The following SGCD variants were observed in gnomAD, a reference collection of about 807,000 sequenced individuals.
The protein encoded by SGCD is sarcoglycan delta, also known as delta-sarcoglycan.
In SGCD, 18 loss-of-function variants were observed where a neutral mutation model predicts 36.6. That is an observed-to-expected ratio of 0.49 (90% CI 0.34 to 0.73). SGCD has a LOEUF of 0.73. Ranked by LOEUF, SGCD falls within the 30% of genes least tolerant of loss-of-function variation. The pLI is 0.01. For missense variants in SGCD, 387 were observed against 346.7 expected (o/e 1.12, Z -0.92); for synonymous variants, 133 against 130.6 (o/e 1.02, Z -0.12).
At chr5:156,436,352 A>T (rs1334267123) in intron 3 of SGCD, among the ~76,000 whole-genome samples, 1 of 152,248 alleles carries the variant, frequency 6.6e-6, no homozygotes, top group African/African-American at 2.4e-5. Flanking sequence ...TATTTGTTGA[A>T]TGAATAAATG....
chr5:155,837,977 A>G, the SGCD span, among the ~76,000 whole-genome samples: 1 of 152,166 alleles, frequency 6.6e-6, no homozygotes, highest in African/African-American at 2.4e-5. Flanking sequence ...ATTATGAAGA[A>G]ATGGAAACAT....
At chr5:156,219,805 G>A (rs189104378) in intron 3 of SGCD, among the ~76,000 whole-genome samples, 6 of 152,192 alleles carry the variant, frequency 3.9e-5, no homozygotes, top group Admixed American at 1.3e-4. Context: ...AATCTCATCT[G>A]CTTCTGTGTA....
chr5:156,434,863 A>G (rs1056076533), intron 3 of SGCD, among the ~76,000 whole-genome samples: 1 of 152,208 alleles, frequency 6.6e-6, no homozygotes, highest in African/African-American at 2.4e-5. Context: ...AAAGGTGTAT[A>G]AGAGAGCTGG....
intron 3 of SGCD, among the ~76,000 whole-genome samples, chr5:156,380,300 A>G (rs1197387844): frequency 6.6e-6 from 1 of 152,212 alleles, no homozygotes; most frequent in Non-Finnish European, 1.5e-5. Flanking sequence ...GAAATGCTAT[A>G]CTACTTAACC....
At chr5:156,212,940 T>A (rs1764482151) in intron 3 of SGCD, among the ~76,000 whole-genome samples, 2 of 152,048 alleles carry the variant, frequency 1.3e-5, no homozygotes, top group South Asian at 4.1e-4. Flanking sequence ...TTTAAAAATA[T>A]CTTGACACAA....
At chr5:156,473,454 G>A (rs1271294881) in intron 3 of SGCD, among the ~76,000 whole-genome samples, 1 of 152,214 alleles carries the variant, frequency 6.6e-6, no homozygotes, top group Non-Finnish European at 1.5e-5. Context: ...ATTTCATCAT[G>A]CTTCTCAGAA....
At chr5:156,647,323 G>A in intron 6 of SGCD, 141 bp from the exon 7 acceptor site, 1 of 553,792 alleles carries the variant, frequency 1.8e-6, no homozygotes, top group African/African-American at 1.9e-5. Flanking sequence ...CTATCATGGA[G>A]CTCTAAAGCC....
intron 3 of SGCD, among the ~76,000 whole-genome samples, chr5:156,357,328 G>A (rs1769543121): frequency 6.6e-6 from 1 of 152,174 alleles, no homozygotes; most frequent in Admixed American, 6.5e-5. Context: ...CTAGTGGGTA[G>A]CCAGGTCAAT....
chr5:156,653,493 C>CT lies in SGCD; in HGVS notation c.575+5972dup, dbSNP rs111458843. ...TTTTCTTACGTAATTCTAAAGCTTGCTTTTTTTTTTTTTTTGCCCCTGTTG... is the reference window on the plus strand; with the variant it reads ...TTTTCTTACGTAATTCTAAAGCTTGCTTTTTTTTTTTTTTTTGCCCCTGTTG... On this transcript the variant is annotated intron_variant, in intron 7 of 8. Transcript: ENST00000337851. Among the ~76,000 whole-genome samples the CT allele has an allele frequency of 1.9e-3, 91 of 48,106 alleles. 19 individuals are homozygous for CT. The highest frequency in any genetic ancestry group is 2.7e-3 in the Non-Finnish European group (67 of 24,958). The allele number at this position is 48,106 out of a possible 152,430, so 31.6% of individuals were successfully genotyped here.
At chr5:156,069,264 G>A (rs1486023816) in intron 1 of SGCD, among the ~76,000 whole-genome samples, 2 of 152,080 alleles carry the variant, frequency 1.3e-5, no homozygotes, top group African/African-American at 4.8e-5. Flanking sequence ...TAGGTCTAAA[G>A]TTTAAGTCTT....
At chr5:155,860,034 T>C in the SGCD span, among the ~76,000 whole-genome samples, 5 of 152,334 alleles carry the variant, frequency 3.3e-5, no homozygotes, top group Non-Finnish European at 7.4e-5. Flanking sequence ...GCCCCTCTCC[T>C]GCTGTAAATA....
At chr5:155,843,449 G>A in the SGCD span, among the ~76,000 whole-genome samples, 1 of 152,230 alleles carries the variant, frequency 6.6e-6, no homozygotes, top group South Asian at 2.1e-4. Context: ...GGTAAAGGGA[G>A]GTAACAGCAG....
chr5:156,652,521 T>C (rs973644057), intron 7 of SGCD, among the ~76,000 whole-genome samples: 4 of 151,958 alleles, frequency 2.6e-5, no homozygotes, highest in African/African-American at 7.2e-5. Context: ...CACACACACA[T>C]ACACAGAATC....
At chr5:156,232,359 G>A (rs1765040663) in intron 3 of SGCD, among the ~76,000 whole-genome samples, 1 of 152,170 alleles carries the variant, frequency 6.6e-6, no homozygotes, top group Non-Finnish European at 1.5e-5. Context: ...TTCACCCTCA[G>A]GTAGTTCTAA....
chr5:156,762,483 C>G lies in SGCD; in HGVS notation c.*3093C>G, dbSNP rs1757516609. On this transcript the variant is annotated 3_prime_UTR_variant, in exon 9 of 9. Transcript: ENST00000337851. ...TGTGGCTTTATAATTGTTATGTTACCCAAGGGATAAACTTGAACTGGCTTT... is the reference window on the plus strand; with the variant it reads ...TGTGGCTTTATAATTGTTATGTTACGCAAGGGATAAACTTGAACTGGCTTT... The G allele has an allele frequency of 6.6e-6, 1 of 152,522 alleles. No individual in the cohort carries two copies. The highest frequency in any genetic ancestry group is 2.1e-4 in the South Asian group (1 of 4,818). The allele number at this position is 152,522 out of a possible 1,614,324, so 9.4% of individuals were successfully genotyped here.
At chr5:156,266,887 T>C (rs918518311) in intron 3 of SGCD, among the ~76,000 whole-genome samples, 5 of 152,086 alleles carry the variant, frequency 3.3e-5, no homozygotes, top group African/African-American at 1.2e-4. Context: ...TGACTTATCC[T>C]GAGAGAAAGC....
intron 7 of SGCD, among the ~76,000 whole-genome samples, chr5:156,697,313 G>T (rs139848127): frequency 6.6e-6 from 1 of 152,050 alleles, no homozygotes; most frequent in African/African-American, 2.4e-5. Context: ...CTTTAATGGC[G>T]CAGCTCCCTT....
intron 3 of SGCD, among the ~76,000 whole-genome samples, chr5:156,306,663 T>A (rs762790129): frequency 6.6e-6 from 1 of 152,216 alleles, no homozygotes. Context: ...CTATCTTTTA[T>A]ACCTTCTTCA....
upstream of SGCD, among the ~76,000 whole-genome samples, chr5:156,321,966 C>T (rs889610647): frequency 1.3e-5 from 2 of 152,122 alleles, no homozygotes; most frequent in Admixed American, 6.5e-5. Context: ...ATAAGGGTCC[C>T]GATGAACGCC....
Sources: gnomAD v4.1 joint callset for allele counts (sites outside exome capture counted in the v4.1 genomes callset) on GRCh38, gnomAD v4.1.1 for gene constraint, MANE v1.5 for transcripts, NCBI Gene and HGNC (gene_info 2026-07-23, HGNC 2026-07-21) for gene names.